Variants in CREB5 observed in about 807,000 individuals in gnomAD.
CREB5 encodes cyclic AMP-responsive element-binding protein 5.
In CREB5, 19 loss-of-function variants were observed where a neutral mutation model predicts 57.1. The ratio of observed to expected loss-of-function variants is 0.33; its 90% CI spans 0.23 to 0.49. The LOEUF (loss-of-function observed/expected upper bound fraction) is 0.49. Among genes scored for constraint, CREB5 ranks in the 20% least tolerant of loss-of-function variants. The pLI is 0.99. For synonymous variants in CREB5, 238 were observed against 238.3 expected (o/e 1.00, Z 0.01); for missense variants, 579 against 671.6 (o/e 0.86, Z 1.52).
At chr7:28,446,089 G>A (rs572866741) in intron 1 of CREB5, among the ~76,000 whole-genome samples, 15 of 152,274 alleles carry the variant, frequency 9.9e-5, no homozygotes, top group Middle Eastern at 3.4e-3. Flanking sequence ...GAAAATACAC[G>A]TGACTCCAAG....
At chr7:28,530,052 A>T (rs2128621157) in intron 4 of CREB5, among the ~76,000 whole-genome samples, 1 of 152,362 alleles carries the variant, frequency 6.6e-6, no homozygotes, top group Admixed American at 6.5e-5. Context: ...ATTTGTCCTT[A>T]GTCATCCAAT....
Position 28,823,700 on chromosome 7 carries a change from A to G in CREB5, c.*4421A>G, listed in dbSNP as rs1409912970. ...TGGAACAGCTTTCTTGTAGAAGTGT[A>G]AAAACAGCTTCATCTCTGCCTCTCT... On this transcript the variant is annotated 3_prime_UTR_variant, in exon 11 of 11. Transcript: ENST00000357727. 2 of 152,298 alleles carry G rather than the reference A, an allele frequency of 1.3e-5. No homozygotes were observed. The highest frequency in any genetic ancestry group is 4.8e-5 in the African/African-American group (2 of 41,452). 9.4% of individuals were successfully genotyped at this position (152,298 alleles called of 1,614,324 possible).
chr7:28,420,098 AAT>A (rs1491501399), intron 1 of CREB5, among the ~76,000 whole-genome samples: 469 of 27,176 alleles, frequency 0.017, 3 homozygotes, highest in Admixed American at 0.042. Context: ...GGCAAAGTAC[AAT>A]TTTTTTTTTT....
At chr7:28,650,492 T>G (rs1052251431) in intron 5 of CREB5, among the ~76,000 whole-genome samples, 3 of 152,134 alleles carry the variant, frequency 2.0e-5, no homozygotes, top group African/African-American at 7.2e-5. Flanking sequence ...CAGGACACAG[T>G]CATGCCATTT....
intron 3 of CREB5, among the ~76,000 whole-genome samples, chr7:28,505,355 G>T (rs1291671736): frequency 2.0e-5 from 3 of 152,108 alleles, no homozygotes; most frequent in African/African-American, 7.2e-5. Flanking sequence ...CAAACTTCCA[G>T]CTGTTACTTA....
At chr7:28,443,923 C>T (rs997830652) in intron 1 of CREB5, among the ~76,000 whole-genome samples, 2 of 152,082 alleles carry the variant, frequency 1.3e-5, no homozygotes, top group Non-Finnish European at 2.9e-5. Flanking sequence ...ATTGGTAGAT[C>T]CTGATACAAG....
chr7:28,492,734 T>C (rs1194945514), intron 2 of CREB5, among the ~76,000 whole-genome samples: 1 of 148,592 alleles, frequency 6.7e-6, no homozygotes, highest in Non-Finnish European at 1.5e-5. Context: ...ATATAAAATA[T>C]AGTATATTTA....
At chr7:28,451,450 CTGTGTGTGTGTGTGTGTGTGTG>C (rs6150047) in intron 1 of CREB5, among the ~76,000 whole-genome samples, 1 of 146,922 alleles carries the variant, frequency 6.8e-6, no homozygotes, top group African/African-American at 2.5e-5. Flanking sequence ...CTTTGCCAAA[CTGTGTGTGTGTGTGTGTGTGTG>C]TGTGTGTGTG....
At chr7:28,577,251 C>G (rs922981769) in intron 5 of CREB5, among the ~76,000 whole-genome samples, 3 of 152,210 alleles carry the variant, frequency 2.0e-5, no homozygotes, top group Non-Finnish European at 2.9e-5. Flanking sequence ...TTTTCTGTCT[C>G]AAATTTATTC....
intron 1 of CREB5, among the ~76,000 whole-genome samples, chr7:28,380,161 T>C (rs1455151805): frequency 6.6e-6 from 1 of 152,184 alleles, no homozygotes; most frequent in African/African-American, 2.4e-5. Flanking sequence ...CTGTCAAATG[T>C]TATTGACCCT....
intron 4 of CREB5, among the ~76,000 whole-genome samples, chr7:28,561,425 T>C (rs1241087313): frequency 6.6e-6 from 1 of 152,200 alleles, no homozygotes; most frequent in Non-Finnish European, 1.5e-5. Flanking sequence ...ATAGTAATGA[T>C]GATGAGAATA....
At chr7:28,369,384 A>G (rs1786659710) in intron 1 of CREB5, among the ~76,000 whole-genome samples, 1 of 152,144 alleles carries the variant, frequency 6.6e-6, no homozygotes, top group African/African-American at 2.4e-5. Flanking sequence ...CAGAACAGGG[A>G]ATGATCATGG....
In CREB5 at chr7:28,712,805, A is replaced by G. The variant is rs182381733; in HGVS notation, c.465-5948A>G. 1.1e-3 allele frequency among the ~76,000 whole-genome samples: 173 copies of G among 152,068 alleles called. 3 individuals are homozygous for G. The highest frequency in any genetic ancestry group is 8.8e-3 in the East Asian group (45 of 5,140). On this transcript the variant is annotated intron_variant, in intron 5 of 10. Transcript: ENST00000357727. ...TGTCTCGTCCTCCCAAAGTGCTGGG[A>G]TTATAGGTGTGAACCACTGCACCTG...
chr7:28,774,552 T>C (rs1205578584), intron 7 of CREB5, among the ~76,000 whole-genome samples: 2 of 152,210 alleles, frequency 1.3e-5, no homozygotes, highest in Non-Finnish European at 2.9e-5. Context: ...ACATAATTAT[T>C]TTCCCTTTAG....
intron 5 of CREB5, among the ~76,000 whole-genome samples, chr7:28,673,315 C>T (rs1026925181): frequency 2.6e-5 from 4 of 152,122 alleles, no homozygotes; most frequent in Non-Finnish European, 5.9e-5. Context: ...CCCAGGATAC[C>T]TGTTTTCACA....
intron 5 of CREB5, among the ~76,000 whole-genome samples, chr7:28,685,683 T>TA (rs1349352113): frequency 2.0e-4 from 30 of 149,234 alleles, no homozygotes; most frequent in Non-Finnish European, 3.0e-4. Flanking sequence ...TTTTTTTTTT[T>TA]AACCAGTATT....
At chr7:28,498,965 C>A (rs1327947407) in intron 3 of CREB5, among the ~76,000 whole-genome samples, 1 of 152,094 alleles carries the variant, frequency 6.6e-6, no homozygotes, top group African/African-American at 2.4e-5. Flanking sequence ...GAGGACAATG[C>A]ACATCCATAG....
intron 7 of CREB5, among the ~76,000 whole-genome samples, chr7:28,776,744 G>T (rs1427641928): frequency 6.6e-6 from 1 of 152,092 alleles, no homozygotes; most frequent in African/African-American, 2.4e-5. Context: ...TCTACTTTCT[G>T]TCTCTACGGA....
At chr7:28,471,228 C>A (rs1484874528) in intron 1 of CREB5, among the ~76,000 whole-genome samples, 1 of 152,074 alleles carries the variant, frequency 6.6e-6, no homozygotes, top group African/African-American at 2.4e-5. Context: ...AATCTTTAAT[C>A]CATTTTGATT....
Sources: allele counts gnomAD v4.1 joint callset (sites outside exome capture counted in the v4.1 genomes callset), GRCh38; gene constraint gnomAD v4.1.1; transcripts MANE v1.5; gene names NCBI Gene and HGNC (gene_info 2026-07-23, HGNC 2026-07-21).